SERGEF: variants seen among roughly 807,000 people sequenced by gnomAD.
SERGEF encodes secretion regulating guanine nucleotide exchange factor.
A neutral mutation model predicts 50.0 loss-of-function variants in SERGEF; 51 were observed. That is an observed-to-expected ratio of 1.02 (90% CI 0.81 to 1.29). The LOEUF (loss-of-function observed/expected upper bound fraction) is 1.29. SERGEF is among the 50% of genes most tolerant of loss of function. The probability of loss-of-function intolerance (pLI) is 0.00; values close to 1 mark genes in which losing one functional copy is unlikely to be tolerated. For missense variants in SERGEF, 521 were observed against 557.0 expected, an observed-to-expected ratio of 0.94 and a Z score of 0.65; for synonymous variants, 205 against 212.4, an observed-to-expected ratio of 0.97 and a Z score of 0.30.
intron 7 of SERGEF, among the ~76,000 whole-genome samples, chr11:17,990,752 A>G (rs1223511574): frequency 2.0e-5 from 3 of 150,708 alleles, no homozygotes; most frequent in African/African-American, 7.2e-5. Flanking sequence ...AACTAGATGA[A>G]GAAAGAGAGG....
At chr11:17,836,122 A>G (rs1051635333) in intron 10 of SERGEF, among the ~76,000 whole-genome samples, 1 of 152,222 alleles carries the variant, frequency 6.6e-6, no homozygotes, top group African/African-American at 2.4e-5. Context: ...ACCATGTGCC[A>G]AGTTTTGTGC....
At chr11:17,797,750 T>C (rs1002048469) in intron 10 of SERGEF, among the ~76,000 whole-genome samples, 1 of 152,168 alleles carries the variant, frequency 6.6e-6, no homozygotes, top group African/African-American at 2.4e-5. Context: ...TGAATGGCAG[T>C]GAGAGAATGG....
chr11:18,011,431 G>C (rs1854193338), intron 1 of SERGEF, among the ~76,000 whole-genome samples: 1 of 152,216 alleles, frequency 6.6e-6, no homozygotes, highest in Non-Finnish European at 1.5e-5. Context: ...ACAGTGAGAA[G>C]GCGGCCATCT....
At chr11:17,952,957 C>T (rs993042957) in intron 9 of SERGEF, among the ~76,000 whole-genome samples, 1 of 152,138 alleles carries the variant, frequency 6.6e-6, no homozygotes, top group Non-Finnish European at 1.5e-5. Flanking sequence ...TGCTTTCCTC[C>T]TCAAGTTCTT....
At chr11:18,006,463 AC>A (rs1854076536) in intron 3 of SERGEF, 127 bp downstream of exon 3, 2 of 924,782 alleles carry the variant, frequency 2.2e-6, no homozygotes, top group Non-Finnish European at 3.2e-6. Context: ...ATTGTGAGCC[AC>A]CGCACCAGGC....
intron 10 of SERGEF, among the ~76,000 whole-genome samples, chr11:17,821,509 C>G (rs559300749): frequency 1.3e-5 from 2 of 152,138 alleles, no homozygotes; most frequent in African/African-American, 4.8e-5. Context: ...GTGCTCCATA[C>G]ATTTTTTTAA....
intron 10 of SERGEF, among the ~76,000 whole-genome samples, chr11:17,873,590 T>A (rs1240024572): frequency 6.6e-6 from 1 of 151,926 alleles, no homozygotes; most frequent in Non-Finnish European, 1.5e-5. Context: ...CAGTTGAAAA[T>A]CATCTGTGAA....
In SERGEF at chr11:17,992,974, T is replaced by G; in HGVS notation, c.642A>C (p.Ala214=). Residue 214 remains alanine (A), a synonymous_variant, in exon 7 of 11, where the codon GCA becomes GCC. Transcript: ENST00000265965. ...SRVTGLENSK[A]MCVLAGSDHS... ...GGTCTGAGCCAGCAAGAACACACATTGCTTTAGAATTCTCTAGACCTACAA... is the reference window on the plus strand; with the variant it reads ...GGTCTGAGCCAGCAAGAACACACATGGCTTTAGAATTCTCTAGACCTACAA... The G allele has an allele frequency of 2.5e-6, 4 of 1,614,096 alleles. No individual in the cohort carries two copies. The highest frequency in any genetic ancestry group is 2.5e-6 in the Non-Finnish European group (3 of 1,179,954).
At chr11:17,974,794 G>T (rs960434684) in intron 8 of SERGEF, among the ~76,000 whole-genome samples, 4 of 152,154 alleles carry the variant, frequency 2.6e-5, no homozygotes, top group African/African-American at 4.8e-5. Flanking sequence ...CACCAAAATG[G>T]CAAACAGAAA....
intron 9 of SERGEF, among the ~76,000 whole-genome samples, chr11:17,919,572 G>A (rs1852115395): frequency 6.6e-6 from 1 of 152,130 alleles, no homozygotes; most frequent in Non-Finnish European, 1.5e-5. Flanking sequence ...GTAGTGAAAT[G>A]GAAGAGCAAG....
intron 9 of SERGEF, among the ~76,000 whole-genome samples, chr11:17,897,123 T>A (rs781282830): frequency 1.7e-4 from 26 of 152,136 alleles, no homozygotes; most frequent in Non-Finnish European, 3.4e-4. Context: ...ACAAGAAGGA[T>A]GTAAGGGACC....
At chr11:17,995,418 CTATACA>C (rs1853816181) in intron 6 of SERGEF, among the ~76,000 whole-genome samples, 1 of 152,208 alleles carries the variant, frequency 6.6e-6, no homozygotes, top group South Asian at 2.1e-4. Context: ...AGGGCCAACT[CTATACA>C]AGTACCCCGG....
chr11:17,886,699 G>A (rs1335038644), intron 9 of SERGEF, among the ~76,000 whole-genome samples: 2 of 152,162 alleles, frequency 1.3e-5, no homozygotes, highest in East Asian at 1.9e-4. Flanking sequence ...TGACAGATAA[G>A]GAGAGGGCTT....
intron 10 of SERGEF, chr11:17,856,240 C>G (rs567883116): frequency 1.3e-5 from 2 of 152,848 alleles, no homozygotes; most frequent in Non-Finnish European, 2.9e-5. Context: ...GGCTGGCTCC[C>G]CTGTGCTCTG....
intron 10 of SERGEF, among the ~76,000 whole-genome samples, chr11:17,816,868 G>A (rs1232664818): frequency 3.3e-5 from 5 of 152,164 alleles, no homozygotes. Context: ...GGAATGTGGT[G>A]ACAGACAAAT....
intron 8 of SERGEF, among the ~76,000 whole-genome samples, chr11:17,980,481 AG>A (rs1853475589): frequency 6.6e-6 from 1 of 152,256 alleles, no homozygotes; most frequent in South Asian, 2.1e-4. Flanking sequence ...TAGTATTTAT[AG>A]GAGCTATAAT....
chr11:17,963,334 G>C (rs949491728), intron 8 of SERGEF, among the ~76,000 whole-genome samples: 1 of 134,826 alleles, frequency 7.4e-6, no homozygotes, highest in Admixed American at 8.0e-5. Flanking sequence ...TCCAGACCAG[G>C]GATCCCTAAA....
At chr11:17,814,073 G>A (rs770966806) in intron 10 of SERGEF, among the ~76,000 whole-genome samples, 7 of 152,210 alleles carry the variant, frequency 4.6e-5, no homozygotes, top group African/African-American at 1.2e-4. Context: ...AGGGAGGAAG[G>A]GAAGTTGGAA....
intron 10 of SERGEF, among the ~76,000 whole-genome samples, chr11:17,797,066 A>C (rs1849584188): frequency 6.6e-6 from 1 of 152,220 alleles, no homozygotes; most frequent in African/African-American, 2.4e-5. Flanking sequence ...GGTAATGTGC[A>C]AAATACAGCC....
Sources: gnomAD v4.1 joint callset for allele counts (sites outside exome capture counted in the v4.1 genomes callset) on GRCh38, gnomAD v4.1.1 for gene constraint, MANE v1.5 for transcripts, NCBI Gene and HGNC (gene_info 2026-07-23, HGNC 2026-07-21) for gene names.